Variants in ABR observed in about 807,000 individuals in gnomAD.
ABR encodes ABR activator of RhoGEF and GTPase, also known as active breakpoint cluster region-related protein.
ABR carries 35 observed loss-of-function variants against 107.2 expected under a neutral mutation model. The ratio of observed to expected loss-of-function variants is 0.33; its 90% confidence interval spans 0.25 to 0.43. The LOEUF is 0.43. Among genes scored for constraint, ABR ranks in the 20% least tolerant of loss-of-function variants. The pLI is 1.00. For missense variants in ABR, 815 were observed against 1,115.2 expected (o/e 0.73, Z 3.83); for synonymous variants, 498 against 462.0 (o/e 1.08, Z -1.00).
chr17:1,135,760 C>T (rs1027989832), intron 1 of ABR, among the ~76,000 whole-genome samples: 1 of 152,096 alleles, frequency 6.6e-6, no homozygotes, highest in Non-Finnish European at 1.5e-5. Context: ...CCTGTAATCC[C>T]AGCTATTCGG....
chr17:1,127,400 C>A (rs765449934), intron 1 of ABR, among the ~76,000 whole-genome samples: 3 of 152,214 alleles, frequency 2.0e-5, no homozygotes, highest in Non-Finnish European at 4.4e-5. Context: ...CCCTGGAGAC[C>A]ATGACACTTG....
chr17:1,165,975 C>A (rs904346990), intron 1 of ABR, among the ~76,000 whole-genome samples: 4 of 151,882 alleles, frequency 2.6e-5, no homozygotes, highest in African/African-American at 9.7e-5. Flanking sequence ...CCTCAGCTCC[C>A]ACCCCCCGGA....
At position 1,027,736 on chromosome 17, in the gene ABR, G is replaced by A. The variant is rs1218275424; in HGVS notation, c.1792-14572C>T. 6.6e-6 allele frequency among the ~76,000 whole-genome samples: 1 copy of A among 152,068 alleles called. No individual in the cohort carries two copies. Among genetic ancestry groups the A allele is most frequent in the Non-Finnish European group, 1.5e-5 (1 of 67,998 alleles). ...CTGTAGTCCCCTGTCTGTGGCTGAG[G>A]GGTCGCTATGGGGGTGTGTGTGAAC... On this transcript the variant is annotated intron_variant, in intron 16 of 22. Coordinates refer to ENST00000302538, the MANE Select transcript of ABR (RefSeq NM_021962.5). This position sits in a 1 kb window ranked among gnomAD's most constrained non-coding sequence, Gnocchi z 4.7.
At chr17:1,219,328 GCCA>G (rs1420521717) in intron 1 of ABR, among the ~76,000 whole-genome samples, 1 of 151,952 alleles carries the variant, frequency 6.6e-6, no homozygotes, top group Non-Finnish European at 1.5e-5. Context: ...ACAGGTGTGA[GCCA>G]CCACGCCCAG....
intron 16 of ABR, among the ~76,000 whole-genome samples, chr17:1,022,097 A>C (rs1243924761): frequency 3.4e-5 from 5 of 146,252 alleles, no homozygotes; most frequent in Non-Finnish European, 6.0e-5. Flanking sequence ...ACAGAGCAAG[A>C]CTCTGTCTCA....
rs1415442985 is a variant in ABR at position 1,150,794 on chromosome 17, C to CG, written c.62-25428dup. ...GGAGGAGCATCACGCACACAGACGC[C>CG]GGACTCCCTAGGTTCTGCAAACCCA... On this transcript the variant is annotated intron_variant, in intron 1 of 22. Transcript: ENST00000302538. The surrounding 1 kb of genome is among the most constrained non-coding windows in gnomAD (Gnocchi z 4.8). Among the ~76,000 whole-genome samples the CG allele has an allele frequency of 1.3e-5, 2 of 152,106 alleles. No homozygotes were observed. The highest frequency in any genetic ancestry group is 4.8e-5 in the African/African-American group (2 of 41,404).
rs368588203 is a variant in ABR at position 1,150,695 on chromosome 17, T to G, written c.62-25328A>C. Among the ~76,000 whole-genome samples, 12 of 152,074 alleles carry G rather than the reference T, an allele frequency of 7.9e-5. No homozygotes were observed. The highest frequency in any genetic ancestry group is 2.9e-4 in the African/African-American group (12 of 41,408). Reference sequence around the variant, plus strand: ...TCCTGGTACACGGTCTGTGGTAACATCCTGCACGGCTCTAAACCAGAGGCA... The same window carrying G: ...TCCTGGTACACGGTCTGTGGTAACAGCCTGCACGGCTCTAAACCAGAGGCA... On this transcript the variant is annotated intron_variant, in intron 1 of 22. Transcript: ENST00000302538. This position sits in a 1 kb window ranked among gnomAD's most constrained non-coding sequence, Gnocchi z 4.8.
intron 10 of ABR, among the ~76,000 whole-genome samples, chr17:1,060,240 G>A (rs969961327): frequency 8.8e-4 from 134 of 151,944 alleles, no homozygotes; most frequent in Non-Finnish European, 6.3e-4. Context: ...GTGAAACTCC[G>A]TCTCTACTAA....
intron 5 of ABR, among the ~76,000 whole-genome samples, chr17:1,079,788 C>CAAAAA (rs57412625): frequency 8.9e-4 from 49 of 55,116 alleles, no homozygotes; most frequent in Non-Finnish European, 1.2e-3. Flanking sequence ...GACTCTGTCT[C>CAAAAA]AAAAAAAAAA....
chr17:1,014,264 A>G (rs2070932284), intron 16 of ABR, among the ~76,000 whole-genome samples: 1 of 150,788 alleles, frequency 6.6e-6, no homozygotes, highest in African/African-American at 2.4e-5. Flanking sequence ...ACACGGTGAA[A>G]CCCCGTCTCT....
chr17:1,058,986 T>C, intron 10 of ABR, 119 bp from the exon 11 acceptor site: 16 of 1,436,542 alleles, frequency 1.1e-5, no homozygotes, highest in Non-Finnish European at 1.5e-5. Context: ...TATTTCGTGA[T>C]GTTTTGACAT....
In ABR at chr17:1,194,710, G is replaced by A. The variant is rs538291035; in HGVS notation, c.838+34083C>T. ...GCTCTGTTGCCCAGGCTGGAGTGCA[G>A]TGGTGCGGTCTCAGCTCACTGCAAC... On this transcript the variant is annotated intron_variant, in intron 1 of 22. Transcript: ENST00000574139. Among the ~76,000 whole-genome samples the A allele has an allele frequency of 1.3e-3, 164 of 121,968 alleles. 19 individuals carry two copies. The highest frequency in any genetic ancestry group is 4.2e-3 in the African/African-American group (153 of 36,208). The allele number at this position is 121,968 out of a possible 152,430, so 80.0% of individuals were successfully genotyped here. A position where few individuals can be genotyped will look rare whatever the true frequency, so the allele number is the denominator to read the frequency against.
chr17:1,142,817 C>G (rs1229192529), intron 1 of ABR, among the ~76,000 whole-genome samples: 2 of 152,144 alleles, frequency 1.3e-5, no homozygotes, highest in South Asian at 2.1e-4. Context: ...CTCATTCACT[C>G]AGGACCCTCG....
intron 1 of ABR, among the ~76,000 whole-genome samples, chr17:1,224,555 G>A (rs1012426264): frequency 7.2e-5 from 11 of 152,176 alleles, no homozygotes; most frequent in Non-Finnish European, 1.6e-4. Context: ...TGCTGGTGGA[G>A]GCCAATCCAG....
chr17:1,095,416 T>C (rs1003466978), intron 3 of ABR, among the ~76,000 whole-genome samples: 1 of 152,168 alleles, frequency 6.6e-6, no homozygotes, highest in Non-Finnish European at 1.5e-5. Flanking sequence ...GCTGGGTGTG[T>C]GCCCTTGGCT....
chr17:1,203,762 C>A (rs905340813), intron 1 of ABR, among the ~76,000 whole-genome samples: 1 of 152,104 alleles, frequency 6.6e-6, no homozygotes, highest in Non-Finnish European at 1.5e-5. Flanking sequence ...CTGCCTACAC[C>A]CTGGGAACCT....
chr17:1,072,210 A>G (rs1375470454), intron 8 of ABR, among the ~76,000 whole-genome samples: 1 of 151,904 alleles, frequency 6.6e-6, no homozygotes, highest in East Asian at 1.9e-4. Context: ...GCCTCCCTAG[A>G]TTATTATGAG....
rs1257500408 is a variant in ABR at position 1,117,910 on chromosome 17, G to A, written c.246+7273C>T. Among the ~76,000 whole-genome samples the A allele has an allele frequency of 1.9e-3, 180 of 95,186 alleles. 1 individual carries two copies. Among genetic ancestry groups the A allele is most frequent in the African/African-American group, 7.4e-3 (172 of 23,168 alleles). The allele number at this position is 95,186 out of a possible 152,430, so 62.4% of individuals were successfully genotyped here. A position where few individuals can be genotyped will look rare whatever the true frequency, so the allele number is the denominator to read the frequency against. Reference sequence around the variant, plus strand: ...ACCCTGAGCCTGAGTTCCTCCCAGCGTTATCCCTGAGCCTGAGTTCCTCCC... The same window carrying A: ...ACCCTGAGCCTGAGTTCCTCCCAGCATTATCCCTGAGCCTGAGTTCCTCCC... On this transcript the variant is annotated intron_variant, in intron 2 of 22. Coordinates refer to ENST00000302538, the MANE Select transcript of ABR (RefSeq NM_021962.5).
chr17:1,009,527 C>T (rs2070349781), intron 21 of ABR, 152 bp downstream of exon 21: 2 of 648,214 alleles, frequency 3.1e-6, no homozygotes. Context: ...TGGAGGCCAG[C>T]GCCCACGAGG....
Sources: gnomAD v4.1 joint callset for allele counts (sites outside exome capture counted in the v4.1 genomes callset) on GRCh38, gnomAD v4.1.1 for gene constraint, Gnocchi (gnomAD v3.1) non-coding constraint, MANE v1.5 for transcripts, NCBI Gene and HGNC (gene_info 2026-07-23, HGNC 2026-07-21) for gene names.